FBXL20: variants seen among roughly 807,000 people sequenced by gnomAD.
The protein encoded by FBXL20 is F-box/LRR-repeat protein 20.
Under a neutral mutation model 64.0 loss-of-function variants are expected in FBXL20, and 11 were observed. The observed-to-expected ratio is 0.17, with a 90% CI of 0.11 to 0.28. FBXL20 has a LOEUF of 0.28. FBXL20 is among the 10% of genes least tolerant of loss of function. The pLI, the probability that FBXL20 is intolerant of heterozygous loss-of-function variation, is 1.00. For missense variants in FBXL20, 303 were observed against 526.2 expected, an observed-to-expected ratio of 0.58 and a Z score of 4.15; for synonymous variants, 184 against 189.0, an observed-to-expected ratio of 0.97 and a Z score of 0.22.
At position 39,276,221 on chromosome 17, in the gene FBXL20, GAA is replaced by G. The variant is rs1215336803; in HGVS notation, c.697-1123_697-1122del. Among the ~76,000 whole-genome samples the G allele has an allele frequency of 4.3e-3, 262 of 60,576 alleles. 3 individuals carry two copies. The East Asian group carries it at 0.076, about 18-fold the overall frequency. The allele number at this position is 60,576 out of a possible 152,430, so 39.7% of individuals were successfully genotyped here. ...TCCACCAGGCAATAGAGCAAGAAAA[GAA>G]AAAAAAAAAAAAAAAAAAAAGGGAC... is the stretch of plus-strand genomic sequence containing the variant. On this transcript the variant is annotated intron_variant, in intron 9 of 14. Transcript: ENST00000264658.
intron 1 of FBXL20, among the ~76,000 whole-genome samples, chr17:39,381,470 ACT>A (rs2048022454): frequency 7.5e-6 from 1 of 133,026 alleles, no homozygotes; most frequent in African/African-American, 3.0e-5. Flanking sequence ...ATACAGTGAG[ACT>A]CTGTCTCAAA....
At chr17:39,388,094 T>C (rs1207481163) in intron 1 of FBXL20, among the ~76,000 whole-genome samples, 1 of 152,178 alleles carries the variant, frequency 6.6e-6, no homozygotes, top group South Asian at 2.1e-4. Context: ...TTTCACATTA[T>C]TGAAATAATA....
intron 1 of FBXL20, among the ~76,000 whole-genome samples, chr17:39,371,977 C>A (rs765509608): frequency 6.6e-6 from 1 of 152,154 alleles, no homozygotes; most frequent in Non-Finnish European, 1.5e-5. Context: ...TTCTGTTGTA[C>A]GTGGTACCTT....
intron 1 of FBXL20, among the ~76,000 whole-genome samples, chr17:39,359,241 C>T (rs2047771260): frequency 6.6e-6 from 1 of 152,052 alleles, no homozygotes; most frequent in Non-Finnish European, 1.5e-5. Flanking sequence ...GAAACTGAGG[C>T]AGGAAAATGG....
Position 39,285,458 on chromosome 17 carries a change from G to T in FBXL20, c.494+20C>A. 2.7e-6 allele frequency: 4 copies of T among 1,499,270 alleles called. No individual in the cohort carries two copies. The highest frequency in any genetic ancestry group is 1.4e-5 in the African/African-American group (1 of 71,166). 92.9% of individuals were successfully genotyped at this position (1,499,270 alleles called of 1,614,324 possible). A position where few individuals can be genotyped will look rare whatever the true frequency, so the allele number is the denominator to read the frequency against. On this transcript the variant is annotated intron_variant, in intron 7 of 14. Transcript: ENST00000264658. ...GTATTTTTTTTTGATTACTTGACAT[G>T]CTTATTATAAGAAATTTACCTCAGA...
At chr17:39,380,586 A>G (rs1275354319) in intron 1 of FBXL20, among the ~76,000 whole-genome samples, 2 of 152,176 alleles carry the variant, frequency 1.3e-5, no homozygotes, top group Non-Finnish European at 2.9e-5. Context: ...TAAAATGTGA[A>G]CCATGCTCAG....
At chr17:39,325,619 G>C (rs2047401670) in intron 2 of FBXL20, among the ~76,000 whole-genome samples, 1 of 152,092 alleles carries the variant, frequency 6.6e-6, no homozygotes. Context: ...AACCTGCAAA[G>C]GAAAACTAGA....
chr17:39,287,296 A>T (rs2046997809), intron 6 of FBXL20, among the ~76,000 whole-genome samples: 2 of 152,222 alleles, frequency 1.3e-5, no homozygotes, highest in African/African-American at 4.8e-5. Flanking sequence ...CAATTATATC[A>T]TAAATGTTTT....
chr17:39,286,792 C>T (rs1484986279), intron 6 of FBXL20, among the ~76,000 whole-genome samples: 1 of 151,664 alleles, frequency 6.6e-6, no homozygotes, highest in Non-Finnish European at 1.5e-5. Context: ...GAGTGAAACT[C>T]TGTCTCAAAA....
intron 1 of FBXL20, among the ~76,000 whole-genome samples, chr17:39,346,226 T>C (rs766873629): frequency 1.3e-5 from 2 of 151,838 alleles, no homozygotes; most frequent in Admixed American, 6.6e-5. Flanking sequence ...TCCCAGCTAT[T>C]TGGTGGGGGG....
In FBXL20 at chr17:39,259,828, C is replaced by A. The variant is rs751871208; in HGVS notation, c.*1632G>T. On this transcript the variant is annotated 3_prime_UTR_variant, in exon 15 of 15. Transcript: ENST00000264658. ...TGAAACCCCATCTCTACTAAAAATA[C>A]AAAAATTAGCCAGGCAGTAGTGGTG... 2 of 151,566 alleles carry A rather than the reference C, an allele frequency of 1.3e-5. No individual in the cohort carries two copies. The highest frequency in any genetic ancestry group is 2.9e-5 in the Non-Finnish European group (2 of 67,954). 9.4% of individuals were successfully genotyped at this position (151,566 alleles called of 1,614,324 possible).
intron 1 of FBXL20, among the ~76,000 whole-genome samples, chr17:39,354,042 A>C (rs1167630964): frequency 2.0e-5 from 3 of 152,218 alleles, no homozygotes; most frequent in East Asian, 1.9e-4. Flanking sequence ...AAAACAGTTA[A>C]GATGGTAAAT....
At chr17:39,321,064 A>G (rs983634829) in intron 2 of FBXL20, among the ~76,000 whole-genome samples, 13 of 152,324 alleles carry the variant, frequency 8.5e-5, no homozygotes, top group Middle Eastern at 3.4e-3. Flanking sequence ...GGTTGCCTAT[A>G]AAACAATTCT....
intron 1 of FBXL20, among the ~76,000 whole-genome samples, chr17:39,392,229 C>G (rs1029508422): frequency 6.6e-6 from 1 of 152,090 alleles, no homozygotes; most frequent in Non-Finnish European, 1.5e-5. Context: ...CACCTGAGAT[C>G]AGGAGTTTGA....
At chr17:39,272,803 CT>C (rs2046858313) in intron 10 of FBXL20, among the ~76,000 whole-genome samples, 1 of 151,550 alleles carries the variant, frequency 6.6e-6, no homozygotes, top group African/African-American at 2.4e-5. Flanking sequence ...TGGAACACAA[CT>C]TTTGATTTTC....
chr17:39,275,868 C>A (rs1347581589), intron 9 of FBXL20, among the ~76,000 whole-genome samples: 2 of 152,016 alleles, frequency 1.3e-5, no homozygotes, highest in East Asian at 3.8e-4. Context: ...CCATTTACTT[C>A]TATATTTTAG....
At chr17:39,401,794 C>A, upstream of FBXL20, 1 of 908,070 alleles carries the variant, frequency 1.1e-6, no homozygotes, top group Middle Eastern at 4.6e-4. Flanking sequence ...ACGGGGCCGG[C>A]CCTGACGGCG....
intron 2 of FBXL20, among the ~76,000 whole-genome samples, chr17:39,330,932 C>G (rs531801574): frequency 2.6e-5 from 4 of 152,270 alleles, no homozygotes; most frequent in African/African-American, 9.6e-5. Context: ...GCCAGGCAAG[C>G]CTTTAAAAAT....
At chr17:39,392,780 A>T (rs1248508449) in intron 1 of FBXL20, among the ~76,000 whole-genome samples, 1 of 152,174 alleles carries the variant, frequency 6.6e-6, no homozygotes, top group Admixed American at 6.5e-5. Flanking sequence ...TGGGAGGCCA[A>T]GGCGGGTGGA....
Sources: allele counts gnomAD v4.1 joint callset (sites outside exome capture counted in the v4.1 genomes callset), GRCh38; gene constraint gnomAD v4.1.1; transcripts MANE v1.5; gene names NCBI Gene and HGNC (gene_info 2026-07-23, HGNC 2026-07-21).